INF2: variants seen among roughly 807,000 people sequenced by gnomAD.
INF2 encodes inverted formin 2.
In INF2, 43 loss-of-function variants were observed where a neutral mutation model predicts 123.5. That is an observed-to-expected ratio of 0.35 (90% CI 0.27 to 0.45). The LOEUF is 0.45. Among genes scored for constraint, INF2 ranks in the 20% least tolerant of loss-of-function variants. INF2 has a pLI of 1.00. For synonymous variants in INF2, 851 were observed against 745.0 expected (o/e 1.14, Z -2.32); for missense variants, 1,453 against 1,682.7 (o/e 0.86, Z 2.39).
Position 104,719,059 on chromosome 14 carries a change from C to T in INF2, c.*266C>T. ...TCCCACCTGCTTCCTAAAGGCAACC[C>T]TGGCCCACACCCGCATGCGCCCGGT... is the stretch of plus-strand genomic sequence containing the variant. On this transcript the variant is annotated 3_prime_UTR_variant, in exon 23 of 23. Transcript: ENST00000392634. 5.5e-6 allele frequency: 4 copies of T among 729,858 alleles called. No homozygotes were observed. The South Asian group carries it at 7.1e-5, about 13-fold the overall frequency. 45.2% of individuals were successfully genotyped at this position (729,858 alleles called of 1,614,324 possible). A position where few individuals can be genotyped will look rare whatever the true frequency, so the allele number is the denominator to read the frequency against.
intron 1 of INF2, among the ~76,000 whole-genome samples, chr14:104,683,560 C>T (rs1888585151): frequency 6.6e-6 from 1 of 151,958 alleles, no homozygotes; most frequent in African/African-American, 2.4e-5. Context: ...GTGGTGTCCT[C>T]ATTCCAGTCA....
chr14:104,708,543 G>C lies in INF2; in HGVS notation c.1843G>C (p.Glu615Gln), dbSNP rs770330496. 4 of 1,612,308 alleles carry C rather than the reference G, an allele frequency of 2.5e-6. No individual in the cohort carries two copies. The highest frequency in any genetic ancestry group is 8.5e-7 in the Non-Finnish European group (1 of 1,179,754). Residue 615 changes from glutamate (E) to glutamine (Q), a missense_variant, in exon 9 of 23, where the codon GAG becomes CAG. This residue lies in a region of INF2 where 192 missense variants were observed against 274.4 expected (regional missense o/e 0.70). Coordinates refer to ENST00000392634, the MANE Select transcript of INF2 (RefSeq NM_022489.4). ...LFSFPAAKPK[E>Q]PTMVAPRARK... Reference sequence around the variant, plus strand: ...CTCCTTCCCTGCAGCCAAGCCCAAGGAGCCCACCATGGTGGCCCCCCGGGC... The same window carrying C: ...CTCCTTCCCTGCAGCCAAGCCCAAGCAGCCCACCATGGTGGCCCCCCGGGC...
Position 104,713,426 on chromosome 14 carries a change from A to G in INF2, c.2879-19A>G. On this transcript the variant is annotated intron_variant, in intron 19 of 22. Transcript: ENST00000392634. ...CTCCAGGGTCCCATGCCGCTCTCTG[A>G]GTGCCCCACGCTCCTCAGTCAGGAA... 2 of 1,606,202 alleles carry G rather than the reference A, an allele frequency of 1.2e-6. No homozygotes were observed. Among genetic ancestry groups the G allele is most frequent in the Non-Finnish European group, 1.7e-6 (2 of 1,177,240 alleles).
Position 104,684,233 on chromosome 14 carries a change from G to T in INF2, c.-104+2651G>T, listed in dbSNP as rs138269013. 1.3e-4 allele frequency: 55 copies of T among 438,130 alleles called. 2 individuals carry two copies. Among genetic ancestry groups the T allele is most frequent in the African/African-American group, 1.0e-3 (52 of 49,686 alleles). 27.1% of individuals were successfully genotyped at this position (438,130 alleles called of 1,614,324 possible). The stretch of plus-strand genomic sequence containing the variant: ...CTGAGGCAACCGAGAAGGAGGCTGG[G>T]GAGGGACAGCTCGAGGGCTCACTGG... On this transcript the variant is annotated intron_variant, in intron 1 of 2. Transcript: ENST00000674723. This position sits in a 1 kb window ranked among gnomAD's most constrained non-coding sequence, Gnocchi z 5.0.
chr14:104,705,889 A>G, intron 5 of INF2, 146 bp from the exon 6 acceptor site: 2 of 1,008,096 alleles, frequency 2.0e-6, no homozygotes, highest in Non-Finnish European at 1.4e-6. Flanking sequence ...TATGTGGGTC[A>G]CATGTCAGCC....
intron 13 of INF2, chr14:104,710,641 A>G: frequency 1.8e-6 from 1 of 541,136 alleles, no homozygotes; most frequent in Non-Finnish European, 3.3e-6. Flanking sequence ...ACACACGGGC[A>G]CCATCTCTGA....
rs1361357589 is a variant in INF2 at position 104,713,381 on chromosome 14, C to T, written c.2879-64C>T. ...TGTCTGTGCTCCAGCCTCCCCACCA[C>T]CCCCAGCCCTCTAGGTGGGCTCCAG... On this transcript the variant is annotated intron_variant, in intron 19 of 22. Transcript: ENST00000392634. 7 of 1,571,980 alleles carry T rather than the reference C, an allele frequency of 4.5e-6. No individual in the cohort carries two copies. In the East Asian group the frequency reaches 7.0e-5, roughly 16 times the overall value.
At chr14:104,695,796 C>T (rs960729090) in intron 1 of INF2, among the ~76,000 whole-genome samples, 1 of 152,048 alleles carries the variant, frequency 6.6e-6, no homozygotes. Context: ...CAGTGGTGTC[C>T]CCTGGCGTTC....
At chr14:104,708,821 G>T (rs555216673) in intron 10 of INF2, 89 bp downstream of exon 10, 14 of 1,325,734 alleles carry the variant, frequency 1.1e-5, no homozygotes, top group Non-Finnish European at 1.4e-5. Flanking sequence ...GCCCTCTGCA[G>T]GCCGCCATGG....
intron 1 of INF2, among the ~76,000 whole-genome samples, chr14:104,693,912 G>A (rs1048141744): frequency 1.3e-5 from 2 of 152,212 alleles, no homozygotes; most frequent in East Asian, 1.9e-4. Context: ...CCCAGCCTAC[G>A]CTGGGAGGAG....
At chr14:104,700,207 C>T (rs1463510280) in intron 1 of INF2, among the ~76,000 whole-genome samples, 2 of 152,180 alleles carry the variant, frequency 1.3e-5, no homozygotes, top group African/African-American at 4.8e-5. Context: ...CCATGTGGGA[C>T]CTCCAGTCAC....
intron 1 of INF2, among the ~76,000 whole-genome samples, chr14:104,697,445 A>G (rs1225573107): frequency 6.6e-6 from 1 of 152,002 alleles, no homozygotes; most frequent in African/African-American, 2.4e-5. Context: ...AGGAGCCCAC[A>G]CTCCCTGGCT....
intron 21 of INF2, 88 bp downstream of exon 21, chr14:104,714,944 G>T: frequency 7.4e-7 from 1 of 1,348,988 alleles, no homozygotes; most frequent in Non-Finnish European, 9.9e-7. Context: ...GGCACTGCAA[G>T]TTCCAGCGGC....
At chr14:104,702,986 G>A (rs1464269224) in intron 2 of INF2, 119 bp from the exon 3 acceptor site, 4 of 798,886 alleles carry the variant, frequency 5.0e-6, no homozygotes, top group East Asian at 5.3e-5. Context: ...CCACAGACAA[G>A]TGCCCGGCAC....
At position 104,701,644 on chromosome 14, in the gene INF2, C is replaced by T. The variant is rs199769315; in HGVS notation, c.279C>T (p.Ser93=). 53 of 1,597,918 alleles carry T rather than the reference C, an allele frequency of 3.3e-5. No individual in the cohort carries two copies. Among genetic ancestry groups the T allele is most frequent in the Middle Eastern group, 3.3e-4 (2 of 6,010 alleles). The change falls in exon 2 of 23, where the codon TCC becomes TCT. Residue 93 remains serine (S), a synonymous_variant. Transcript: ENST00000392634. ...CGGGCCGCGGCGTTGCACGTATCTC[C>T]GACGCCCTGCTGCAGCTCACCTGCG... ...RLSGRGVARI[S]DALLQLTCVS...
At position 104,699,175 on chromosome 14, in the gene INF2, C is replaced by T. The variant is rs1257002439; in HGVS notation, c.-9-2182C>T. ...GCGGCACTGCTTGTCTCTAAAAGGT[C>T]AGGATTTTTTGCATGGAGGGACCCC... On this transcript the variant is annotated intron_variant, in intron 1 of 22. Transcript: ENST00000392634. This position sits in a 1 kb window ranked among gnomAD's most constrained non-coding sequence, Gnocchi z 4.7. 6.6e-6 allele frequency among the ~76,000 whole-genome samples: 1 copy of T among 152,028 alleles called. No individual in the cohort carries two copies. The highest frequency in any genetic ancestry group is 1.9e-4 in the East Asian group (1 of 5,174).
At chr14:104,704,006 C>G in intron 5 of INF2, 57 bp downstream of exon 5, 7 of 1,603,628 alleles carry the variant, frequency 4.4e-6, no homozygotes, top group Non-Finnish European at 5.9e-6. Context: ...AAGGCCAGGC[C>G]CACCTGCCCT....
chr14:104,691,995 C>G (rs1238977519), intron 1 of INF2, among the ~76,000 whole-genome samples: 1 of 152,218 alleles, frequency 6.6e-6, no homozygotes, highest in Non-Finnish European at 1.5e-5. Flanking sequence ...AGGGGCCGTC[C>G]TCTCTCACAG....
Position 104,718,993 on chromosome 14 carries a change from C to T in INF2, c.*200C>T, listed in dbSNP as rs1890448209. On this transcript the variant is annotated 3_prime_UTR_variant, in exon 23 of 23. Coordinates refer to ENST00000392634, the MANE Select transcript of INF2 (RefSeq NM_022489.4). ...GAACCCGACAGGCACCAGTGCCCTG[C>T]CAGGCCTGGTGCCCTCCTGGACCGC... 1.5e-6 allele frequency: 2 copies of T among 1,296,906 alleles called. No homozygotes were observed. The highest frequency in any genetic ancestry group is 2.0e-6 in the Non-Finnish European group (2 of 981,554). The allele number at this position is 1,296,906 out of a possible 1,614,324, so 80.3% of individuals were successfully genotyped here.
Sources: gnomAD v4.1 joint callset for allele counts (sites outside exome capture counted in the v4.1 genomes callset) on GRCh38, gnomAD v4.1.1 for gene constraint, gnomAD v4.1.1 regional missense constraint, Gnocchi (gnomAD v3.1) non-coding constraint, MANE v1.5 for transcripts, NCBI Gene and HGNC (gene_info 2026-07-23, HGNC 2026-07-21) for gene names.